Variants in GPATCH8 observed in about 807,000 individuals in gnomAD.
GPATCH8 encodes the protein G patch domain-containing protein 8.
GPATCH8 carries 18 observed loss-of-function variants against 118.3 expected under a neutral mutation model. That is an observed-to-expected ratio of 0.15 (90% CI 0.11 to 0.23). GPATCH8 has a LOEUF of 0.23. Among genes scored for constraint, GPATCH8 ranks in the 10% least tolerant of loss-of-function variants. The probability of loss-of-function intolerance (pLI) is 1.00; values close to 1 mark genes in which losing one functional copy is unlikely to be tolerated. For missense variants in GPATCH8, 1,631 were observed against 1,873.8 expected, an observed-to-expected ratio of 0.87 and a Z score of 2.39; for synonymous variants, 659 against 684.7, an observed-to-expected ratio of 0.96 and a Z score of 0.59.
chr17:44,451,257 C>A (rs939732781), intron 3 of GPATCH8, among the ~76,000 whole-genome samples: 1 of 152,140 alleles, frequency 6.6e-6, no homozygotes, highest in African/African-American at 2.4e-5. Context: ...ACATGCCTGG[C>A]TAATTTTTGT....
At chr17:44,438,903 G>C (rs1294561140) in intron 3 of GPATCH8, among the ~76,000 whole-genome samples, 1 of 152,170 alleles carries the variant, frequency 6.6e-6, no homozygotes, top group East Asian at 1.9e-4. Flanking sequence ...CAAGGTGTGA[G>C]ATTTTTGTAC....
At chr17:44,467,174 G>GTTTT in intron 2 of GPATCH8, 2 of 521,732 alleles carry the variant, frequency 3.8e-6, no homozygotes, top group African/African-American at 2.1e-5. Flanking sequence ...ACTAATGGTC[G>GTTTT]TTTTTTTTTT....
chr17:44,487,795 G>A (rs1289418647), intron 1 of GPATCH8, among the ~76,000 whole-genome samples: 1 of 152,118 alleles, frequency 6.6e-6, no homozygotes, highest in African/African-American at 2.4e-5. Context: ...GTTGGGGGTA[G>A]GTGGAAAATG....
rs919602176 is a variant in GPATCH8 at position 44,399,371 on chromosome 17, T to C, written c.2706A>G (p.Arg902=). 1 of 1,614,020 alleles carries C rather than the reference T, an allele frequency of 6.2e-7. No homozygotes were observed. Among genetic ancestry groups the C allele is most frequent in the Admixed American group, 1.7e-5 (1 of 60,010 alleles). Residue 902 remains arginine, a synonymous_variant, in exon 8 of 8, where the codon CGA becomes CGG. Transcript: ENST00000591680. The part of the protein sequence containing the change: ...DSYSDYSDRS[R]RHSKRSHDSD... ...AGTCATGGGAGCGCTTGGAGTGCCTTCGTGATCTGTCACTGTAGTCACTGT... is the reference window on the plus strand; with the variant it reads ...AGTCATGGGAGCGCTTGGAGTGCCTCCGTGATCTGTCACTGTAGTCACTGT...
intron 3 of GPATCH8, among the ~76,000 whole-genome samples, chr17:44,444,498 C>A (rs2050805421): frequency 6.6e-6 from 1 of 151,920 alleles, no homozygotes; most frequent in Non-Finnish European, 1.5e-5. Flanking sequence ...AAAGGCCAGG[C>A]ATGGTGGCTC....
chr17:44,414,117 G>GTATATATATGTGTATA (rs1197453656), intron 6 of GPATCH8, among the ~76,000 whole-genome samples: 3 of 138,090 alleles, frequency 2.2e-5, no homozygotes, highest in Admixed American at 1.4e-4. Context: ...ATATATATAT[G>GTATATATATGTGTATA]TATATATATG....
chr17:44,426,391 T>C (rs1170838366), intron 5 of GPATCH8, among the ~76,000 whole-genome samples: 1 of 152,026 alleles, frequency 6.6e-6, no homozygotes, highest in Non-Finnish European at 1.5e-5. Context: ...TGGCTTGAGC[T>C]CAGGAGTTCA....
chr17:44,503,011 G>C (rs1013479785), intron 1 of GPATCH8, among the ~76,000 whole-genome samples: 5 of 152,146 alleles, frequency 3.3e-5, no homozygotes, highest in Non-Finnish European at 7.3e-5. Context: ...CCAGCCCTTC[G>C]CCGGCACAGA....
rs572216929 is a variant in GPATCH8 at position 44,397,974 on chromosome 17, G to C, written c.4103C>G (p.Ser1368Cys). ...CTGAACAGTTGTGATGGAGGTGGCA[G>C]AGGCTGTAGCTGGCTGCTGAATGTG... ...PIHIQQPATA[S>C]ATSITTVQHA... The change falls in exon 8 of 8, where the codon TCT becomes TGT. Residue 1368 changes from serine to cysteine, a missense_variant. Physicochemically the swap from Ser to Cys is moderately radical, Grantham distance 112. Coordinates refer to ENST00000591680, the MANE Select transcript of GPATCH8 (RefSeq NM_001002909.4). The C allele has an allele frequency of 6.2e-7, 1 of 1,614,150 alleles. No homozygotes were observed. Among genetic ancestry groups the C allele is most frequent in the African/African-American group, 1.3e-5 (1 of 75,062 alleles).
intron 6 of GPATCH8, among the ~76,000 whole-genome samples, chr17:44,419,488 AT>A (rs959988210): frequency 2.7e-5 from 4 of 150,908 alleles, no homozygotes; most frequent in Non-Finnish European, 4.4e-5. Context: ...CTTAGAAATT[AT>A]TTTTTTTTGT....
At chr17:44,459,205 TC>T (rs1413359854) in intron 3 of GPATCH8, among the ~76,000 whole-genome samples, 1 of 152,194 alleles carries the variant, frequency 6.6e-6, no homozygotes, top group Admixed American at 6.5e-5. Context: ...AAAGCACAGA[TC>T]CTGAAGTCCA....
chr17:44,410,070 C>T (rs2049376143), intron 6 of GPATCH8, among the ~76,000 whole-genome samples: 1 of 152,110 alleles, frequency 6.6e-6, no homozygotes, highest in Non-Finnish European at 1.5e-5. Flanking sequence ...AGAATTGGGC[C>T]AAATGGCAAA....
At chr17:44,436,132 C>T (rs1217285989) in intron 4 of GPATCH8, among the ~76,000 whole-genome samples, 1 of 146,224 alleles carries the variant, frequency 6.8e-6, no homozygotes, top group Non-Finnish European at 1.5e-5. Flanking sequence ...CCCAATTCTA[C>T]AAAGGCAAAG....
chr17:44,412,454 T>G (rs1338659194), intron 6 of GPATCH8, among the ~76,000 whole-genome samples: 2 of 152,024 alleles, frequency 1.3e-5, no homozygotes, highest in African/African-American at 4.8e-5. Context: ...TGGCAGAATT[T>G]TGGCTCACCA....
At chr17:44,446,357 C>T (rs948288136) in intron 3 of GPATCH8, among the ~76,000 whole-genome samples, 1 of 152,014 alleles carries the variant, frequency 6.6e-6, no homozygotes, top group Non-Finnish European at 1.5e-5. Flanking sequence ...ACGAGGTCAG[C>T]AGATCGAGAC....
chr17:44,480,581 G>A (rs1343043751), intron 1 of GPATCH8, among the ~76,000 whole-genome samples: 4 of 152,084 alleles, frequency 2.6e-5, no homozygotes, highest in Admixed American at 6.6e-5. Context: ...TTAGCCAGGC[G>A]TGGTGGCTCA....
At chr17:44,483,214 T>TATATATATATATATAC (rs1555646873) in intron 1 of GPATCH8, among the ~76,000 whole-genome samples, 2 of 87,206 alleles carry the variant, frequency 2.3e-5, no homozygotes, top group East Asian at 3.9e-4. Context: ...TATATATATA[T>TATATATATATATATAC]ATACAGCCTA....
Position 44,422,095 on chromosome 17 carries a change from G to A in GPATCH8, c.492+2254C>T, listed in dbSNP as rs911016097. 3.3e-5 allele frequency among the ~76,000 whole-genome samples: 5 copies of A among 152,154 alleles called. No individual in the cohort carries two copies. In the South Asian group the frequency reaches 1.0e-3, roughly 32 times the overall value. ...AATATATCACAGATATTTCTTAATT[G>A]AAAAAATTCTCAAGAACCCCAAAAC... On this transcript the variant is annotated intron_variant, in intron 6 of 7. Transcript: ENST00000591680.
At chr17:44,480,309 C>T (rs957743989) in intron 1 of GPATCH8, among the ~76,000 whole-genome samples, 6 of 151,558 alleles carry the variant, frequency 4.0e-5, no homozygotes, top group Admixed American at 6.6e-5. Context: ...CGGCAGGGCG[C>T]GGTGGCTCAT....
Sources: allele counts gnomAD v4.1 joint callset (sites outside exome capture counted in the v4.1 genomes callset), GRCh38; gene constraint gnomAD v4.1.1; transcripts MANE v1.5; gene names NCBI Gene and HGNC (gene_info 2026-07-23, HGNC 2026-07-21).